STX8: variants seen among roughly 807,000 people sequenced by gnomAD.
STX8 encodes syntaxin-8.
Under a neutral mutation model 37.5 loss-of-function variants are expected in STX8, and 23 were observed. The ratio of observed to expected loss-of-function variants is 0.61; its 90% confidence interval spans 0.44 to 0.87. STX8 has a LOEUF of 0.87. Among genes scored for constraint, STX8 ranks in the 40% least tolerant of loss-of-function variants. The probability of loss-of-function intolerance (pLI) is 0.00; values close to 1 mark genes in which losing one functional copy is unlikely to be tolerated. For missense variants in STX8, 313 were observed against 284.7 expected, an observed-to-expected ratio of 1.10 and a Z score of -0.71; for synonymous variants, 115 against 99.1, an observed-to-expected ratio of 1.16 and a Z score of -0.95.
chr17:9,508,069 T>C (rs560600672), intron 4 of STX8, among the ~76,000 whole-genome samples: 114 of 152,174 alleles, frequency 7.5e-4, no homozygotes, highest in African/African-American at 2.7e-3. Context: ...TCCTGTGTAA[T>C]AGACCCCAAT....
intron 7 of STX8, among the ~76,000 whole-genome samples, chr17:9,310,465 C>T (rs996843638): frequency 6.6e-6 from 1 of 152,202 alleles, no homozygotes; most frequent in African/African-American, 2.4e-5. Context: ...CTTGCCCCCA[C>T]CTGTCTGCTT....
At position 9,374,140 on chromosome 17, in the gene STX8, G is replaced by A. The variant is rs182491262; in HGVS notation, c.643+4412C>T. 4.5e-3 allele frequency among the ~76,000 whole-genome samples: 672 copies of A among 150,396 alleles called. 5 individuals carry two copies. Among genetic ancestry groups the A allele is most frequent in the African/African-American group, 0.015 (616 of 40,652 alleles). On this transcript the variant is annotated intron_variant, in intron 7 of 7. Transcript: ENST00000306357. ...TGTGTCACCCAGGCTGGAGTGCAGC[G>A]GCACGATCGCGGCTCACTGCAACCT...
intron 6 of STX8, among the ~76,000 whole-genome samples, chr17:9,443,866 G>A (rs572702975): frequency 4.7e-4 from 71 of 152,208 alleles, no homozygotes; most frequent in African/African-American, 5.5e-4. Flanking sequence ...CAGGCAAGGC[G>A]GACCATCAGC....
chr17:9,378,808 G>A (rs541960120), intron 6 of STX8, among the ~76,000 whole-genome samples, 155 bp from the exon 7 acceptor site: 2 of 151,660 alleles, frequency 1.3e-5, no homozygotes, highest in East Asian at 1.9e-4. Flanking sequence ...CTGCAATTCT[G>A]ATTGTAAAAG....
At chr17:9,319,120 G>C (rs146232272) in intron 7 of STX8, among the ~76,000 whole-genome samples, 81 of 152,288 alleles carry the variant, frequency 5.3e-4, no homozygotes, top group African/African-American at 1.9e-3. Flanking sequence ...AAGAGATGTT[G>C]ATATATTAAA....
chr17:9,286,591 C>G (rs961669924), intron 7 of STX8, among the ~76,000 whole-genome samples: 4 of 150,648 alleles, frequency 2.7e-5, no homozygotes, highest in African/African-American at 9.8e-5. Context: ...TTCTTGTCTT[C>G]AACCTTCAGA....
rs1262116487 is a variant in STX8 at position 9,430,041 on chromosome 17, AATAT to A, written c.542-51392_542-51389del. Among the ~76,000 whole-genome samples the A allele has an allele frequency of 1.1e-3, 26 of 23,504 alleles. 4 individuals carry two copies. In the Admixed American group the frequency reaches 0.013, roughly 12 times the overall value. The allele number at this position is 23,504 out of a possible 152,430, so 15.4% of individuals were successfully genotyped here. On this transcript the variant is annotated intron_variant, in intron 6 of 7. Coordinates refer to ENST00000306357, the MANE Select transcript of STX8 (RefSeq NM_004853.3). The stretch of plus-strand genomic sequence containing the variant: ...ATATTATATATAATATATTCTATAG[AATAT>A]ATATATTCTATATAATATATATATT...
At chr17:9,503,524 T>A (rs1249410381) in intron 5 of STX8, among the ~76,000 whole-genome samples, 5 of 152,168 alleles carry the variant, frequency 3.3e-5, no homozygotes, top group Non-Finnish European at 7.4e-5. Flanking sequence ...CTCCTCCTCC[T>A]CCCTCTTCCT....
Position 9,546,590 on chromosome 17 carries a change from G to GTTTTTTTTTTTTTTTTT in STX8, c.213-1309_213-1308insAAAAAAAAAAAAAAAAA, listed in dbSNP as rs745424722. Reference sequence around the variant, plus strand: ...CTTTCTTGATGCAAACTACAAAAGTGGTTTTTTTTTTTTTTTTTTTTTTTT... The same window carrying GTTTTTTTTTTTTTTTTT: ...CTTTCTTGATGCAAACTACAAAAGTGTTTTTTTTTTTTTTTTTGTTTTTTTTTTTTTTTTTTTTTTTT... On this transcript the variant is annotated intron_variant, in intron 3 of 7. Coordinates refer to ENST00000306357, the MANE Select transcript of STX8 (RefSeq NM_004853.3). 3.2e-3 allele frequency among the ~76,000 whole-genome samples: 201 copies of GTTTTTTTTTTTTTTTTT among 62,116 alleles called. 23 individuals are homozygous for GTTTTTTTTTTTTTTTTT. Among genetic ancestry groups the GTTTTTTTTTTTTTTTTT allele is most frequent in the East Asian group, 5.6e-3 (9 of 1,600 alleles). The allele number at this position is 62,116 out of a possible 152,430, so 40.8% of individuals were successfully genotyped here.
chr17:9,448,526 A>G (rs1391963700), intron 6 of STX8, among the ~76,000 whole-genome samples: 1 of 144,360 alleles, frequency 6.9e-6, no homozygotes, highest in African/African-American at 2.5e-5. Flanking sequence ...CCTAAGCACA[A>G]GAAGGCTGCA....
intron 6 of STX8, among the ~76,000 whole-genome samples, chr17:9,435,234 C>T (rs921110136): frequency 6.6e-6 from 1 of 152,050 alleles, no homozygotes; most frequent in Non-Finnish European, 1.5e-5. Flanking sequence ...TTTGAAGGAC[C>T]GTTCAGGTGA....
intron 2 of STX8, among the ~76,000 whole-genome samples, chr17:9,560,624 C>T (rs1161833187): frequency 6.6e-6 from 1 of 152,036 alleles, no homozygotes; most frequent in Non-Finnish European, 1.5e-5. Context: ...AAAGGAAACG[C>T]TCAATATTGT....
At chr17:9,431,010 TTTG>T (rs1350713639) in intron 6 of STX8, among the ~76,000 whole-genome samples, 1 of 130,994 alleles carries the variant, frequency 7.6e-6, no homozygotes, top group South Asian at 2.5e-4. Context: ...CAGGGGTTTT[TTTG>T]TTGTTGTTGT....
intron 4 of STX8, among the ~76,000 whole-genome samples, chr17:9,534,259 AC>A (rs974078328): frequency 7.9e-5 from 12 of 152,142 alleles, no homozygotes; most frequent in Admixed American, 5.9e-4. Context: ...TAAAAAAAAA[AC>A]AAATAAATTT....
At chr17:9,472,835 AT>A (rs1041628244) in intron 6 of STX8, among the ~76,000 whole-genome samples, 13 of 152,100 alleles carry the variant, frequency 8.5e-5, no homozygotes, top group Non-Finnish European at 1.6e-4. Context: ...GAAAACCCTC[AT>A]CCCTTTCTAG....
At chr17:9,461,889 T>C (rs1486831213) in intron 6 of STX8, among the ~76,000 whole-genome samples, 1 of 152,106 alleles carries the variant, frequency 6.6e-6, no homozygotes, top group African/African-American at 2.4e-5. Context: ...AGGCATTAGA[T>C]TCTCATAAGG....
intron 7 of STX8, among the ~76,000 whole-genome samples, chr17:9,327,645 T>C (rs1203026355): frequency 6.6e-6 from 1 of 152,126 alleles, no homozygotes; most frequent in Non-Finnish European, 1.5e-5. Flanking sequence ...GGGTCTTATG[T>C]CCTACTTTTA....
chr17:9,261,532 G>A (rs749705306), intron 7 of STX8, among the ~76,000 whole-genome samples: 2 of 152,094 alleles, frequency 1.3e-5, no homozygotes, highest in Non-Finnish European at 2.9e-5. Context: ...GATGATAGCC[G>A]TTCCTTAGAG....
chr17:9,320,838 T>A (rs1337365437), intron 7 of STX8, among the ~76,000 whole-genome samples: 1 of 150,700 alleles, frequency 6.6e-6, no homozygotes, highest in African/African-American at 2.4e-5. Context: ...GAGGCGGAGG[T>A]TGCAGTGAGC....
Sources: gnomAD v4.1 joint callset for allele counts (sites outside exome capture counted in the v4.1 genomes callset) on GRCh38, gnomAD v4.1.1 for gene constraint, MANE v1.5 for transcripts, NCBI Gene and HGNC (gene_info 2026-07-23, HGNC 2026-07-21) for gene names.